Variants in GNB1 observed in about 807,000 individuals in gnomAD.
The protein encoded by GNB1 is G protein subunit beta 1, also known as guanine nucleotide-binding protein G(I)/G(S)/G(T) subunit beta-1.
GNB1 carries 2 observed loss-of-function variants against 42.9 expected under a neutral mutation model. That is an observed-to-expected ratio of 0.05 (90% CI 0.02 to 0.15). The LOEUF (loss-of-function observed/expected upper bound fraction) is 0.15. GNB1 is among the 10% of genes least tolerant of loss of function. The probability of loss-of-function intolerance (pLI) is 1.00; values close to 1 mark genes in which losing one functional copy is unlikely to be tolerated. For missense variants in GNB1, 193 were observed against 462.2 expected (o/e 0.42, Z 5.34); for synonymous variants, 183 against 174.7 (o/e 1.05, Z -0.38).
chr1:1,804,757 G>C (rs1646673732), intron 6 of GNB1, among the ~76,000 whole-genome samples, 176 bp from the exon 7 acceptor site: 1 of 152,214 alleles, frequency 6.6e-6, no homozygotes, highest in African/African-American at 2.4e-5. Flanking sequence ...TACTTAATGA[G>C]AAGTCCAGTG....
chr1:1,886,566 A>C (rs976095323), intron 1 of GNB1, among the ~76,000 whole-genome samples: 3 of 152,164 alleles, frequency 2.0e-5, no homozygotes, highest in Non-Finnish European at 2.9e-5. Context: ...AATTTCTGAT[A>C]GTTTCCATTT....
chr1:1,816,978 G>C (rs1477036930), intron 4 of GNB1, among the ~76,000 whole-genome samples: 1 of 152,044 alleles, frequency 6.6e-6, no homozygotes, highest in Non-Finnish European at 1.5e-5. Flanking sequence ...TCACTTTAAA[G>C]TCTACAGTTC....
At chr1:1,797,727 G>A (rs1002831086) in intron 7 of GNB1, among the ~76,000 whole-genome samples, 1 of 152,188 alleles carries the variant, frequency 6.6e-6, no homozygotes, top group Non-Finnish European at 1.5e-5. Context: ...ATGAGCCACC[G>A]CGCCCAGCCC....
intron 1 of GNB1, among the ~76,000 whole-genome samples, chr1:1,883,439 G>A (rs1023662587): frequency 6.6e-6 from 1 of 152,028 alleles, no homozygotes; most frequent in Non-Finnish European, 1.5e-5. Flanking sequence ...TGGAACCATG[G>A]AGAAAAAAAG....
chr1:1,882,065 G>A (rs560107151), intron 1 of GNB1, among the ~76,000 whole-genome samples: 3 of 152,236 alleles, frequency 2.0e-5, no homozygotes, highest in Admixed American at 2.0e-4. Flanking sequence ...CTCTGTGCCT[G>A]CGTGTCAGGC....
chr1:1,829,071 T>C (rs1214006542), intron 2 of GNB1, among the ~76,000 whole-genome samples: 2 of 152,178 alleles, frequency 1.3e-5, no homozygotes, highest in Non-Finnish European at 2.9e-5. Flanking sequence ...TCTTTTCTTT[T>C]TTGAGACGGA....
At chr1:1,823,631 T>C in intron 3 of GNB1, among the ~76,000 whole-genome samples, 1 of 152,258 alleles carries the variant, frequency 6.6e-6, no homozygotes, top group East Asian at 1.9e-4. Context: ...TAAGATCTTT[T>C]AAATGTTAAG....
chr1:1,865,567 C>T (rs1346973473), intron 1 of GNB1, among the ~76,000 whole-genome samples: 1 of 152,144 alleles, frequency 6.6e-6, no homozygotes, highest in Non-Finnish European at 1.5e-5. Flanking sequence ...ACCTGGGCAA[C>T]AGAGTGAGAC....
chr1:1,854,077 G>A (rs192861058), intron 1 of GNB1, among the ~76,000 whole-genome samples: 2 of 152,198 alleles, frequency 1.3e-5, no homozygotes, highest in Non-Finnish European at 2.9e-5. Context: ...CACAGCACTT[G>A]CTGTTCTAGA....
In GNB1 at chr1:1,806,470, C is replaced by CCTA; in HGVS notation, c.267+2_267+4dup. The CCTA allele has an allele frequency of 6.3e-7, 1 of 1,584,186 alleles. No homozygotes were observed. The highest frequency in any genetic ancestry group is 8.7e-7 in the Non-Finnish European group (1 of 1,152,872). ...TTTCAAGGAAGGGAATCCTCCAGTC[C>CCTA]CTACCTTGTTGGTGGTGTAGCTGTC... On this transcript the variant is annotated splice_donor_region_variant and intron_variant, in intron 6 of 11. Coordinates refer to ENST00000378609, the MANE Select transcript of GNB1 (RefSeq NM_002074.5).
Position 1,789,289 on chromosome 1 carries a change from C to A in GNB1, c.700-20G>T, listed in dbSNP as rs762017151. On this transcript the variant is annotated intron_variant, in intron 9 of 11. Coordinates refer to ENST00000378609, the MANE Select transcript of GNB1 (RefSeq NM_002074.5). ...AAAGAACTGGAAAGAGAAAGCAAATCAAGACATCATGTAAACGCTCAGAAA... is the reference window on the plus strand; with the variant it reads ...AAAGAACTGGAAAGAGAAAGCAAATAAAGACATCATGTAAACGCTCAGAAA... 4.1e-5 allele frequency: 57 copies of A among 1,389,022 alleles called. No individual in the cohort carries two copies. In the East Asian group the frequency reaches 1.2e-3, roughly 30 times the overall value. The allele number at this position is 1,389,022 out of a possible 1,614,324, so 86.0% of individuals were successfully genotyped here.
intron 5 of GNB1, among the ~76,000 whole-genome samples, chr1:1,810,179 C>A (rs1387916437): frequency 6.6e-6 from 1 of 152,032 alleles, no homozygotes; most frequent in African/African-American, 2.4e-5. Flanking sequence ...CATTCTCCTG[C>A]CTCAGCCTCC....
intron 7 of GNB1, among the ~76,000 whole-genome samples, chr1:1,796,847 C>T (rs1322326934): frequency 1.9e-4 from 29 of 152,170 alleles, no homozygotes; most frequent in Admixed American, 1.9e-3. Context: ...ATAGGGACCA[C>T]TGGCTATAGG....
chr1:1,879,671 C>T (rs996776667), intron 1 of GNB1, among the ~76,000 whole-genome samples: 9 of 149,416 alleles, frequency 6.0e-5, no homozygotes, highest in African/African-American at 2.2e-4. Flanking sequence ...CACCACTGCA[C>T]TCCAGCCTGG....
chr1:1,879,282 C>A (rs1370150490), intron 1 of GNB1, among the ~76,000 whole-genome samples: 1 of 152,206 alleles, frequency 6.6e-6, no homozygotes. Flanking sequence ...ACCCCAGGGG[C>A]TTTTGTTTAT....
At chr1:1,834,522 T>C (rs996614647) in intron 2 of GNB1, among the ~76,000 whole-genome samples, 4 of 152,150 alleles carry the variant, frequency 2.6e-5, no homozygotes, top group African/African-American at 7.2e-5. Context: ...CCCACTTTGA[T>C]CATTTCAAAG....
At chr1:1,875,196 G>GTT (rs556437451) in intron 1 of GNB1, among the ~76,000 whole-genome samples, 1 of 147,228 alleles carries the variant, frequency 6.8e-6, no homozygotes. Flanking sequence ...TCTTTTTCTG[G>GTT]TTTTTTTTTT....
intron 5 of GNB1, among the ~76,000 whole-genome samples, chr1:1,807,518 T>C (rs1222222449): frequency 1.4e-5 from 2 of 145,486 alleles, no homozygotes; most frequent in African/African-American, 5.2e-5. Flanking sequence ...AAACCACTTT[T>C]AGACATTCCA....
intron 8 of GNB1, among the ~76,000 whole-genome samples, chr1:1,792,927 G>A (rs34645159): frequency 0.39 from 59,764 of 151,590 alleles, 14,225 homozygotes; most frequent in Admixed American, 0.55. Context: ...TTAGTCAGGC[G>A]TGGTGGCGGG....
Sources: gnomAD v4.1 joint callset for allele counts (sites outside exome capture counted in the v4.1 genomes callset) on GRCh38, gnomAD v4.1.1 for gene constraint, MANE v1.5 for transcripts, NCBI Gene and HGNC (gene_info 2026-07-23, HGNC 2026-07-21) for gene names.